ASIC2: variants seen among roughly 807,000 people sequenced by gnomAD.
ASIC2 encodes the protein acid-sensing ion channel 2.
A neutral mutation model predicts 57.3 loss-of-function variants in ASIC2; 25 were observed. The observed-to-expected ratio is 0.44, with a 90% CI of 0.32 to 0.61. The LOEUF (loss-of-function observed/expected upper bound fraction) is 0.61. Among genes scored for constraint, ASIC2 ranks in the 20% least tolerant of loss-of-function variants. ASIC2 has a pLI of 0.06. For synonymous variants in ASIC2, 319 were observed against 307.5 expected (o/e 1.04, Z -0.39); for missense variants, 641 against 738.1 (o/e 0.87, Z 1.52).
intron 3 of ASIC2, among the ~76,000 whole-genome samples, chr17:33,029,345 GT>G (rs2091871706): frequency 6.6e-6 from 1 of 152,156 alleles, no homozygotes. Context: ...GGCTTTGCCT[GT>G]TCTCAAACTT....
Position 33,933,551 on chromosome 17 carries a change from G to A in ASIC2, c.555+222427C>T, listed in dbSNP as rs530977290. Among the ~76,000 whole-genome samples the A allele has an allele frequency of 7.2e-5, 11 of 152,344 alleles. No homozygotes were observed. In the East Asian group the frequency reaches 1.2e-3, roughly 16 times the overall value. On this transcript the variant is annotated intron_variant, in intron 1 of 9. Coordinates refer to the ASIC2 transcript ENST00000359872. ...AGGAATTGATTTCAGCGACTGCACC[G>A]AGCTGTGAGGGACAGTGGCTGGGTG...
chr17:33,422,448 C>G (rs1018699813), intron 1 of ASIC2, among the ~76,000 whole-genome samples: 1 of 152,160 alleles, frequency 6.6e-6, no homozygotes, highest in Non-Finnish European at 1.5e-5. Flanking sequence ...TTCCTCAAAC[C>G]GTTTTTAGCT....
chr17:33,662,743 T>TC (rs1348145003), intron 1 of ASIC2, among the ~76,000 whole-genome samples: 2 of 127,916 alleles, frequency 1.6e-5, no homozygotes, highest in African/African-American at 5.8e-5. Context: ...CCTCCTTCCC[T>TC]CCCTTCCTTC....
At chr17:33,567,307 G>A (rs376807893) in intron 1 of ASIC2, among the ~76,000 whole-genome samples, 1 of 152,240 alleles carries the variant, frequency 6.6e-6, no homozygotes, top group South Asian at 2.1e-4. Flanking sequence ...AACAATTCTG[G>A]AAAGGAAGAC....
At chr17:33,139,400 T>A (rs940262563) in intron 1 of ASIC2, among the ~76,000 whole-genome samples, 1 of 152,218 alleles carries the variant, frequency 6.6e-6, no homozygotes, top group Non-Finnish European at 1.5e-5. Context: ...CTTGGAAAAA[T>A]CTTTCAGTCC....
rs141039715 is a variant in ASIC2, at chr17:33,735,955, A to T, written c.555+420023T>A. Among the ~76,000 whole-genome samples, 544 of 152,264 alleles carry T rather than the reference A, an allele frequency of 3.6e-3. 3 individuals are homozygous for T. The highest frequency in any genetic ancestry group is 0.012 in the African/African-American group (512 of 41,582). On this transcript the variant is annotated intron_variant, in intron 1 of 9. Transcript: ENST00000359872. The stretch of plus-strand genomic sequence containing the variant: ...TGAATGAATGAGTGAGTGAATAAAT[A>T]AATGAACGGCTTCAAGATCCTCACA...
chr17:34,128,590 C>G (rs1414112105), intron 1 of ASIC2, among the ~76,000 whole-genome samples: 1 of 151,866 alleles, frequency 6.6e-6, no homozygotes, highest in Non-Finnish European at 1.5e-5. Context: ...GGAAAAAGTC[C>G]CTGCTCTGCC....
chr17:33,654,643 T>C (rs1907023773), intron 1 of ASIC2, among the ~76,000 whole-genome samples: 1 of 152,246 alleles, frequency 6.6e-6, no homozygotes, highest in Non-Finnish European at 1.5e-5. Flanking sequence ...GAAGCCAATG[T>C]GCTTGGCACA....
intron 1 of ASIC2, among the ~76,000 whole-genome samples, chr17:33,834,833 A>G (rs1913224813): frequency 6.6e-6 from 1 of 152,184 alleles, no homozygotes; most frequent in Non-Finnish European, 1.5e-5. Context: ...AGTTTCTGAG[A>G]GCCCTCCTAT....
intron 1 of ASIC2, among the ~76,000 whole-genome samples, chr17:33,142,346 A>G (rs909339080): frequency 6.6e-6 from 1 of 152,218 alleles, no homozygotes. Context: ...TGGTTGTGAT[A>G]AAAGAGGTAG....
At chr17:33,306,557 C>T (rs1025019430) in intron 1 of ASIC2, among the ~76,000 whole-genome samples, 1 of 152,178 alleles carries the variant, frequency 6.6e-6, no homozygotes, top group African/African-American at 2.4e-5. Context: ...TCACTTCTCC[C>T]ACATTCCATC....
At chr17:33,317,886 AGTGTGTGTGTGTGTGTGTGT>A (rs57716479) in intron 1 of ASIC2, among the ~76,000 whole-genome samples, 3 of 144,454 alleles carry the variant, frequency 2.1e-5, no homozygotes, top group Non-Finnish European at 4.5e-5. Context: ...TGTGGAGATG[AGTGTGTGTGTGTGTGTGTGT>A]GTGTGTGTGT....
chr17:33,998,799 T>C (rs1341925763), intron 1 of ASIC2, among the ~76,000 whole-genome samples: 1 of 152,174 alleles, frequency 6.6e-6, no homozygotes, highest in Non-Finnish European at 1.5e-5. Context: ...TGATTTATCC[T>C]AGAGAATGTT....
intron 1 of ASIC2, among the ~76,000 whole-genome samples, chr17:33,554,173 A>G (rs1051007291): frequency 7.2e-5 from 11 of 152,346 alleles, no homozygotes; most frequent in African/African-American, 2.2e-4. Flanking sequence ...ATGGTTTCCT[A>G]TGAGTGAAAT....
intron 1 of ASIC2, among the ~76,000 whole-genome samples, chr17:33,655,274 T>C (rs1312566131): frequency 2.6e-5 from 4 of 152,258 alleles, no homozygotes; most frequent in Admixed American, 2.6e-4. Flanking sequence ...GTTAGGTCTC[T>C]AAAGCACCTG....
chr17:33,988,223 T>C (rs1193986511), intron 1 of ASIC2, among the ~76,000 whole-genome samples: 4 of 152,246 alleles, frequency 2.6e-5, no homozygotes, highest in Non-Finnish European at 5.9e-5. Context: ...TACAAGGCAC[T>C]TTCCAGGGAA....
In ASIC2 at chr17:33,291,593, G is replaced by A. The variant is rs1341600785; in HGVS notation, c.523C>T (p.Leu175=). 1 of 1,608,060 alleles carries A rather than the reference G, an allele frequency of 6.2e-7. No homozygotes were observed. Among genetic ancestry groups the A allele is most frequent in the East Asian group, 2.2e-5 (1 of 44,760 alleles). Residue 175 remains leucine (L), a synonymous_variant, in exon 1 of 10, where the codon CTG becomes TTG. Coordinates refer to ENST00000225823, the MANE Select transcript of ASIC2 (RefSeq NM_183377.2). ...RTARPLVSEL[L]RGDEPRRQWF... is the part of the protein sequence containing the mutation. Reference sequence around the variant, plus strand: ...TGGCGGCGCGGCTCGTCGCCCCGCAGCAGCTCGCTGACAAGCGGGCGCGCG... The same window carrying A: ...TGGCGGCGCGGCTCGTCGCCCCGCAACAGCTCGCTGACAAGCGGGCGCGCG...
intron 1 of ASIC2, among the ~76,000 whole-genome samples, chr17:33,576,880 T>A (rs761105498): frequency 2.0e-4 from 31 of 152,216 alleles, no homozygotes; most frequent in Non-Finnish European, 3.4e-4. Context: ...GCTTCACTTT[T>A]CTTCTCTATA....
chr17:33,743,898 A>G (rs912775195), intron 1 of ASIC2, among the ~76,000 whole-genome samples: 1 of 152,130 alleles, frequency 6.6e-6, no homozygotes, highest in African/African-American at 2.4e-5. Flanking sequence ...CCCAAGTACA[A>G]CAGGCTGTGA....
Sources: gnomAD v4.1 joint callset for allele counts (sites outside exome capture counted in the v4.1 genomes callset) on GRCh38, gnomAD v4.1.1 for gene constraint, MANE v1.5 for transcripts, NCBI Gene and HGNC (gene_info 2026-07-23, HGNC 2026-07-21) for gene names.